Variants in CLOCK observed in about 807,000 individuals in gnomAD.
The protein encoded by CLOCK is circadian locomoter output cycles protein kaput.
CLOCK carries 43 observed loss-of-function variants against 118.4 expected under a neutral mutation model. That is an observed-to-expected ratio of 0.36 (90% CI 0.28 to 0.47). The LOEUF (loss-of-function observed/expected upper bound fraction) is 0.47. Among genes scored for constraint, CLOCK ranks in the 20% least tolerant of loss-of-function variants. The probability of loss-of-function intolerance (pLI) is 1.00; values close to 1 mark genes in which losing one functional copy is unlikely to be tolerated. For synonymous variants in CLOCK, 326 were observed against 339.2 expected (o/e 0.96, Z 0.43); for missense variants, 846 against 999.9 (o/e 0.85, Z 2.08).
At chr4:55,498,568 A>G (rs975818396) in intron 2 of CLOCK, among the ~76,000 whole-genome samples, 11 of 151,398 alleles carry the variant, frequency 7.3e-5, no homozygotes, top group African/African-American at 2.4e-4. Context: ...TTACTTTCAA[A>G]GCTTTCAAAT....
At chr4:55,480,175 A>C (rs1348049112) in intron 4 of CLOCK, among the ~76,000 whole-genome samples, 1 of 152,214 alleles carries the variant, frequency 6.6e-6, no homozygotes, top group Non-Finnish European at 1.5e-5. Flanking sequence ...TTCATTTGAC[A>C]AATATGTATT....
intron 1 of CLOCK, among the ~76,000 whole-genome samples, chr4:55,524,911 T>C (rs1455957527): frequency 6.7e-6 from 1 of 148,930 alleles, no homozygotes; most frequent in East Asian, 2.0e-4. Flanking sequence ...GATGATGTAA[T>C]ACTTTGGGAA....
intron 1 of CLOCK, among the ~76,000 whole-genome samples, chr4:55,519,083 G>A (rs1353144252): frequency 1.3e-5 from 2 of 151,950 alleles, no homozygotes; most frequent in South Asian, 2.1e-4. Context: ...ATAGGGTTTC[G>A]CTCTGTTGCC....
Position 55,443,256 on chromosome 4 carries a change from C to G in CLOCK, c.1902+431G>C, listed in dbSNP as rs538085175. ...TTTGGGAGGCTGAGGTGGGCGATCA[C>G]CTGAGGTCAGGAGTTTGAGATCAGC... On this transcript the variant is annotated intron_variant, in intron 20 of 22. Transcript: ENST00000513440. Among the ~76,000 whole-genome samples, 692 of 152,158 alleles carry G rather than the reference C, an allele frequency of 4.5e-3. 4 individuals carry two copies. The highest frequency in any genetic ancestry group is 6.2e-3 in the Non-Finnish European group (425 of 68,004).
At chr4:55,519,350 C>A (rs962542591) in intron 1 of CLOCK, among the ~76,000 whole-genome samples, 6 of 152,344 alleles carry the variant, frequency 3.9e-5, no homozygotes, top group Admixed American at 3.3e-4. Context: ...AGCCACTGAG[C>A]CTGCAGTCCT....
chr4:55,536,148 CT>C (rs1233321243), intron 1 of CLOCK, among the ~76,000 whole-genome samples: 1 of 152,118 alleles, frequency 6.6e-6, no homozygotes, highest in African/African-American at 2.4e-5. Flanking sequence ...AACTAAAAAA[CT>C]TTGAAAAGCA....
chr4:55,520,265 C>G (rs980981476), intron 1 of CLOCK, among the ~76,000 whole-genome samples: 3 of 152,154 alleles, frequency 2.0e-5, no homozygotes, highest in Non-Finnish European at 4.4e-5. Context: ...TCACTGCCCC[C>G]ACACCGATCA....
chr4:55,458,368 A>T (rs1010777539), intron 11 of CLOCK, among the ~76,000 whole-genome samples: 1 of 152,074 alleles, frequency 6.6e-6, no homozygotes, highest in African/African-American at 2.4e-5. Context: ...GGCCCCGCCG[A>T]AATTTTAAAT....
chr4:55,532,497 G>T (rs1270024642), intron 1 of CLOCK, among the ~76,000 whole-genome samples: 1 of 151,732 alleles, frequency 6.6e-6, no homozygotes, highest in Non-Finnish European at 1.5e-5. Context: ...ACAAAAATCA[G>T]TTGCATTTCT....
intron 1 of CLOCK, among the ~76,000 whole-genome samples, chr4:55,521,016 A>T (rs942480397): frequency 1.6e-4 from 24 of 152,152 alleles, no homozygotes; most frequent in Non-Finnish European, 2.9e-4. Context: ...TTCCCTACAT[A>T]CATCAAATTT....
intron 2 of CLOCK, among the ~76,000 whole-genome samples, chr4:55,494,771 G>A (rs1655145700): frequency 6.6e-6 from 1 of 152,072 alleles, no homozygotes; most frequent in Non-Finnish European, 1.5e-5. Context: ...AAAGAAGGTG[G>A]CCACAAGCCA....
intron 5 of CLOCK, among the ~76,000 whole-genome samples, 161 bp downstream of exon 5, chr4:55,479,479 A>C (rs1446964809): frequency 2.0e-5 from 3 of 152,188 alleles, no homozygotes; most frequent in African/African-American, 7.2e-5. Flanking sequence ...AAGATATTTA[A>C]TTTATAAACT....
intron 2 of CLOCK, among the ~76,000 whole-genome samples, chr4:55,497,288 G>A (rs1046566580): frequency 1.3e-5 from 2 of 152,096 alleles, no homozygotes; most frequent in South Asian, 2.1e-4. Flanking sequence ...AGTCCTTCTC[G>A]GGCTGCCATT....
Position 55,444,740 on chromosome 4 carries a change from G to A in CLOCK, c.1585C>T (p.Gln529Ter). 6.2e-7 allele frequency: 1 copy of A among 1,613,964 alleles called. No individual in the cohort carries two copies. Among genetic ancestry groups the A allele is most frequent in the Non-Finnish European group, 8.5e-7 (1 of 1,179,982 alleles). ...QLGAMQHLKD[Q>*]LEQRTRMIEA... is the part of the protein sequence containing the mutation. ...ATCATGCGTGTCCGTTGTTCCAATT[G>A]GTCTTTCAGATGTTGCATGGCTCCT... Residue 529 changes from glutamine to a stop codon, truncating the protein, a stop_gained, in exon 19 of 23, where the codon CAA becomes TAA. Transcript: ENST00000513440. LOFTEE classifies it high-confidence loss of function.
intron 17 of CLOCK, 72 bp from the exon 18 acceptor site, chr4:55,448,940 AAT>A: frequency 8.7e-7 from 1 of 1,145,200 alleles, no homozygotes; most frequent in Non-Finnish European, 1.3e-6. Context: ...CAGAAATATC[AAT>A]ATGATATTCG....
intron 8 of CLOCK, among the ~76,000 whole-genome samples, chr4:55,464,010 G>A (rs1489905528): frequency 6.6e-6 from 1 of 152,140 alleles, no homozygotes; most frequent in Non-Finnish European, 1.5e-5. Flanking sequence ...GACCTTGAAA[G>A]CCTGATAAAT....
chr4:55,537,305 CCTT>C (rs1400217755), intron 1 of CLOCK, among the ~76,000 whole-genome samples: 1 of 152,026 alleles, frequency 6.6e-6, no homozygotes, highest in Non-Finnish European at 1.5e-5. Flanking sequence ...ACAGTGACAT[CCTT>C]GTCTTCAGAA....
At chr4:55,512,245 C>A (rs1729200951) in intron 1 of CLOCK, among the ~76,000 whole-genome samples, 2 of 152,098 alleles carry the variant, frequency 1.3e-5, no homozygotes, top group Non-Finnish European at 2.9e-5. Context: ...CTCACCAGCA[C>A]TGGATGTAGT....
At chr4:55,509,046 C>T (rs541418829) in intron 2 of CLOCK, among the ~76,000 whole-genome samples, 2 of 152,280 alleles carry the variant, frequency 1.3e-5, no homozygotes, top group South Asian at 4.1e-4. Context: ...TGCAATGGTA[C>T]TGAATACTCA....
Sources: allele counts gnomAD v4.1 joint callset (sites outside exome capture counted in the v4.1 genomes callset), GRCh38; gene constraint gnomAD v4.1.1; transcripts MANE v1.5; gene names NCBI Gene and HGNC (gene_info 2026-07-23, HGNC 2026-07-21).